The following SHROOM3 variants were observed in gnomAD, a reference collection of about 807,000 sequenced individuals.
The protein encoded by SHROOM3 is shroom family member 3.
A neutral mutation model predicts 138.6 loss-of-function variants in SHROOM3; 47 were observed. The observed-to-expected ratio is 0.34, with a 90% CI of 0.27 to 0.43. The LOEUF (loss-of-function observed/expected upper bound fraction) is 0.43, where lower values mean the gene tolerates loss of function less well. Among genes scored for constraint, SHROOM3 ranks in the 20% least tolerant of loss-of-function variants. SHROOM3 has a pLI of 1.00. For missense variants in SHROOM3, 2,491 were observed against 2,596.5 expected (o/e 0.96, Z 0.88); for synonymous variants, 1,062 against 1,063.3 (o/e 1.00, Z 0.02).
chr4:76,735,868 A>AAAT (rs1553944040), intron 4 of SHROOM3, among the ~76,000 whole-genome samples: 17 of 18,822 alleles, frequency 9.0e-4, no homozygotes, highest in Non-Finnish European at 1.3e-3. Flanking sequence ...AAAAAAAAAA[A>AAAT]ATATATATAT....
intron 1 of SHROOM3, among the ~76,000 whole-genome samples, chr4:76,506,141 G>T (rs1291469118): frequency 2.0e-5 from 3 of 151,892 alleles, no homozygotes; most frequent in Admixed American, 2.0e-4. Flanking sequence ...ACCAAACACT[G>T]CATGTTCTCA....
chr4:76,701,099 T>G (rs1719891236), intron 2 of SHROOM3, among the ~76,000 whole-genome samples: 1 of 152,186 alleles, frequency 6.6e-6, no homozygotes, highest in South Asian at 2.1e-4. Context: ...AATATCTATC[T>G]TAATATATCC....
intron 1 of SHROOM3, among the ~76,000 whole-genome samples, chr4:76,446,633 G>A (rs1730811439): frequency 6.6e-6 from 1 of 152,200 alleles, no homozygotes; most frequent in African/African-American, 2.4e-5. Flanking sequence ...ACGAACATTA[G>A]ATGGTTTAAA....
intron 1 of SHROOM3, among the ~76,000 whole-genome samples, chr4:76,494,108 A>T (rs1579192627): frequency 1.3e-5 from 2 of 151,044 alleles, no homozygotes; most frequent in Middle Eastern, 7.1e-3. Flanking sequence ...CTCCCTGCTC[A>T]CGGCCCCCTC....
intron 4 of SHROOM3, among the ~76,000 whole-genome samples, chr4:76,738,502 TG>T (rs1436915523): frequency 6.6e-6 from 1 of 152,210 alleles, no homozygotes; most frequent in African/African-American, 2.4e-5. Flanking sequence ...AAAGGCCACG[TG>T]GCTTCCTCTG....
chr4:76,447,806 A>G (rs1252928629), intron 1 of SHROOM3, among the ~76,000 whole-genome samples: 3 of 152,154 alleles, frequency 2.0e-5, no homozygotes, highest in African/African-American at 7.2e-5. Flanking sequence ...AAAGTCTACA[A>G]TTAAATCAGT....
At chr4:76,577,362 T>C (rs772633067) in intron 2 of SHROOM3, among the ~76,000 whole-genome samples, 18 of 152,206 alleles carry the variant, frequency 1.2e-4, no homozygotes, top group Non-Finnish European at 2.1e-4. Context: ...CTGTGTATTG[T>C]TGTCAGCAGT....
chr4:76,587,416 A>G (rs981610242), intron 2 of SHROOM3, among the ~76,000 whole-genome samples: 7 of 152,142 alleles, frequency 4.6e-5, no homozygotes, highest in African/African-American at 1.7e-4. Context: ...TTCTGAGACT[A>G]CTTTTCCCAC....
At chr4:76,482,073 C>T (rs1462735582) in intron 1 of SHROOM3, among the ~76,000 whole-genome samples, 2 of 152,164 alleles carry the variant, frequency 1.3e-5, no homozygotes, top group Admixed American at 6.5e-5. Flanking sequence ...AAGCTGGAAG[C>T]ATTCCCTTTG....
rs1160533489 is a variant in SHROOM3, at chr4:76,573,080, C to CA, written c.323+17327dup. Among the ~76,000 whole-genome samples, 821 of 135,048 alleles carry CA rather than the reference C, an allele frequency of 6.1e-3. 4 individuals are homozygous for CA. The highest frequency in any genetic ancestry group is 0.019 in the African/African-American group (692 of 36,354). 88.6% of individuals were successfully genotyped at this position (135,048 alleles called of 152,430 possible). A position where few individuals can be genotyped will look rare whatever the true frequency, so the allele number is the denominator to read the frequency against. The stretch of plus-strand genomic sequence containing the variant: ...TGGGTGACAGAGCTAGACACTGTCT[C>CA]AAAAAAAAAATAAAAAAGAAAAAAG... On this transcript the variant is annotated intron_variant, in intron 2 of 10. Transcript: ENST00000296043.
At chr4:76,632,252 T>C (rs989997322) in intron 2 of SHROOM3, among the ~76,000 whole-genome samples, 2 of 152,226 alleles carry the variant, frequency 1.3e-5, no homozygotes, top group African/African-American at 4.8e-5. Context: ...ACCAACTTTG[T>C]ATAAATAATA....
At chr4:76,748,816 T>C (rs1721531118) in intron 5 of SHROOM3, among the ~76,000 whole-genome samples, 1 of 146,206 alleles carries the variant, frequency 6.8e-6, no homozygotes, top group South Asian at 2.2e-4. Context: ...TGACTCTGCT[T>C]TTTTTTTTTT....
At chr4:76,660,886 C>G (rs545948389) in intron 2 of SHROOM3, among the ~76,000 whole-genome samples, 1 of 152,246 alleles carries the variant, frequency 6.6e-6, no homozygotes, top group Non-Finnish European at 1.5e-5. Flanking sequence ...CACTGCAGCC[C>G]TGAACTGGTC....
intron 1 of SHROOM3, among the ~76,000 whole-genome samples, chr4:76,518,972 T>C (rs1732505859): frequency 6.6e-6 from 1 of 152,154 alleles, no homozygotes; most frequent in Non-Finnish European, 1.5e-5. Flanking sequence ...TGCCTCTCTC[T>C]GCTTGTTTTC....
chr4:76,689,470 C>T, intron 2 of SHROOM3: 1 of 953,700 alleles, frequency 1.0e-6, no homozygotes, highest in South Asian at 4.8e-5. Context: ...CCTCGGCGCG[C>T]CGCGCGGGAT....
intron 10 of SHROOM3, among the ~76,000 whole-genome samples, chr4:76,778,282 G>A (rs907830950): frequency 1.3e-5 from 2 of 151,470 alleles, no homozygotes; most frequent in Admixed American, 6.6e-5. Flanking sequence ...GAGTGCAGTG[G>A]CACATCTCGG....
intron 1 of SHROOM3, among the ~76,000 whole-genome samples, chr4:76,488,422 A>G (rs1002811697): frequency 1.3e-5 from 2 of 152,246 alleles, no homozygotes; most frequent in Admixed American, 1.3e-4. Context: ...GTAGGAGGTT[A>G]TAAAGAGTAG....
intron 6 of SHROOM3, among the ~76,000 whole-genome samples, chr4:76,751,979 A>C (rs1721639137): frequency 6.6e-6 from 1 of 152,232 alleles, no homozygotes; most frequent in African/African-American, 2.4e-5. Flanking sequence ...AAAAATTGAA[A>C]GCAGGGTCTC....
chr4:76,552,259 C>T (rs1733381490), intron 1 of SHROOM3, among the ~76,000 whole-genome samples: 1 of 150,656 alleles, frequency 6.6e-6, no homozygotes, highest in African/African-American at 2.4e-5. Flanking sequence ...GTAATCTCAC[C>T]ACTTTGGGAG....
Sources: gnomAD v4.1 joint callset for allele counts (sites outside exome capture counted in the v4.1 genomes callset) on GRCh38, gnomAD v4.1.1 for gene constraint, MANE v1.5 for transcripts, NCBI Gene and HGNC (gene_info 2026-07-23, HGNC 2026-07-21) for gene names.